DPEP1: variants seen among roughly 807,000 people sequenced by gnomAD.
DPEP1 encodes the protein dipeptidase 1.
DPEP1 carries 50 observed loss-of-function variants against 42.3 expected under a neutral mutation model. That is an observed-to-expected ratio of 1.18 (90% CI 0.94 to 1.50). DPEP1 has a LOEUF of 1.50. Ranked by LOEUF, DPEP1 falls within the 40% of genes most tolerant of loss-of-function variation. The pLI is 0.00. For missense variants in DPEP1, 663 were observed against 553.0 expected (o/e 1.20, Z -1.99); for synonymous variants, 297 against 234.0 (o/e 1.27, Z -2.46).
In DPEP1 at chr16:89,632,299, C is replaced by T. The variant is rs28448597; in HGVS notation, c.104+1785C>T. 1.8e-3 allele frequency among the ~76,000 whole-genome samples: 277 copies of T among 152,200 alleles called. 1 individual carries two copies. The highest frequency in any genetic ancestry group is 5.9e-3 in the African/African-American group (243 of 41,526). On this transcript the variant is annotated intron_variant, in intron 2 of 10. Coordinates refer to ENST00000690203, the MANE Select transcript of DPEP1 (RefSeq NM_001389466.1). The stretch of plus-strand genomic sequence containing the variant: ...AACTCCTGACCTCAGGTGATCCGCC[C>T]GCCTCGGCCTCCCACAGTGCTGGGA...
intron 2 of DPEP1, among the ~76,000 whole-genome samples, chr16:89,635,601 C>A (rs1231987396): frequency 1.3e-5 from 2 of 152,212 alleles, no homozygotes; most frequent in African/African-American, 4.8e-5. Context: ...TTGTGTCCCA[C>A]CCTCAGACAA....
downstream of DPEP1, among the ~76,000 whole-genome samples, chr16:89,639,056 CA>C: frequency 1.3e-5 from 1 of 78,590 alleles, no homozygotes; most frequent in Non-Finnish European, 2.5e-5. Flanking sequence ...CGCACACACC[CA>C]CCGCACCCCT....
Position 89,638,130 on chromosome 16 carries a change from G to T in DPEP1, c.1144G>T (p.Gly382Cys). 1 of 1,612,108 alleles carries T rather than the reference G, an allele frequency of 6.2e-7. No homozygotes were observed. The highest frequency in any genetic ancestry group is 8.5e-7 in the Non-Finnish European group (1 of 1,179,682). The change falls in exon 11 of 11, where the codon GGC (glycine) becomes TGC (cysteine). Residue 382 changes from glycine (G) to cysteine (C), a missense_variant. Coordinates refer to ENST00000690203, the MANE Select transcript of DPEP1 (RefSeq NM_001389466.1). ...GGGTGGCTCCTGCAGGACCCATTAC[G>T]GCTACTCCTCTGGGGCTTCCAGCCT... Reference protein sequence around the residue: ...QLGGSCRTHYGYSSGASSLHR... With the variant: ...QLGGSCRTHYCYSSGASSLHR...
At chr16:89,635,878 ACTGC>A (rs2059671022) in intron 2 of DPEP1, 26 bp from the exon 3 acceptor site, 1 of 1,566,998 alleles carries the variant, frequency 6.4e-7, no homozygotes, top group African/African-American at 1.4e-5. Context: ...GGCCGCCCTG[ACTGC>A]CTGGCCTCTC....
rs533330136 is a variant in DPEP1 at position 89,624,368 on chromosome 16, G to A, written c.-106-5937G>A. ...GGGAGCAGGTGTCACTGGAAGGATG[G>A]CCTGGACCGTAATAGTCCATGTCCT... On this transcript the variant is annotated intron_variant, in intron 1 of 10. Coordinates refer to ENST00000690203, the MANE Select transcript of DPEP1 (RefSeq NM_001389466.1). 2.6e-5 allele frequency among the ~76,000 whole-genome samples: 4 copies of A among 152,258 alleles called. No homozygotes were observed. In the South Asian group the frequency reaches 8.3e-4, roughly 32 times the overall value.
Position 89,636,606 on chromosome 16 carries a change from C to T in DPEP1, c.444C>T (p.Ser148=), listed in dbSNP as rs1422678683. ...IGVEGGHSID[S]SLGVLRALYQ... ...TGGAGGGCGGCCACTCCATTGACAGCAGTTTGGGCGTCCTGCGGGCACTCT... is the reference window on the plus strand; with the variant it reads ...TGGAGGGCGGCCACTCCATTGACAGTAGTTTGGGCGTCCTGCGGGCACTCT... The change falls in exon 5 of 11, where the codon AGC becomes AGT. Residue 148 remains serine (S), a synonymous_variant. Coordinates refer to ENST00000690203, the MANE Select transcript of DPEP1 (RefSeq NM_001389466.1). 10 of 1,612,518 alleles carry T rather than the reference C, an allele frequency of 6.2e-6. No individual in the cohort carries two copies. Among genetic ancestry groups the T allele is most frequent in the Non-Finnish European group, 8.5e-6 (10 of 1,179,980 alleles).
At chr16:89,614,366 G>A (rs1413033454) in intron 1 of DPEP1, among the ~76,000 whole-genome samples, 2 of 152,198 alleles carry the variant, frequency 1.3e-5, no homozygotes. Flanking sequence ...GCTGTGTGAG[G>A]AGCGCCGAGT....
At chr16:89,633,956 C>T (rs1041965374) in intron 2 of DPEP1, among the ~76,000 whole-genome samples, 8 of 152,182 alleles carry the variant, frequency 5.3e-5, no homozygotes, top group African/African-American at 1.4e-4. Context: ...GGGCATTCCC[C>T]AGGGTCGGGG....
rs200246060 is a variant in DPEP1, at chr16:89,637,254, C to T, written c.642C>T (p.His214=). The T allele has an allele frequency of 3.3e-5, 54 of 1,612,724 alleles. No homozygotes were observed. The highest frequency in any genetic ancestry group is 4.0e-5 in the African/African-American group (3 of 75,054). ...NRLGVLIDLA[H]VSVATMKATL... ...TGGGGGTCCTCATCGACTTGGCTCA[C>T]GTGTCTGTGGCCACCATGAAGGCCA... The change falls in exon 7 of 11, where the codon CAC becomes CAT. Residue 214 remains histidine (H), a synonymous_variant. Coordinates refer to ENST00000690203, the MANE Select transcript of DPEP1 (RefSeq NM_001389466.1).
chr16:89,615,796 G>A (rs967413377), intron 1 of DPEP1, among the ~76,000 whole-genome samples: 79 of 152,200 alleles, frequency 5.2e-4, no homozygotes, highest in Non-Finnish European at 1.0e-3. Context: ...CAACACGGGG[G>A]CCCCGGGGTC....
At chr16:89,625,245 T>C (rs1314620860) in intron 1 of DPEP1, among the ~76,000 whole-genome samples, 1 of 152,134 alleles carries the variant, frequency 6.6e-6, no homozygotes, top group Non-Finnish European at 1.5e-5. Flanking sequence ...TTTTCCTTGA[T>C]TCAGCACGAA....
At chr16:89,631,843 T>A (rs2059593397) in intron 2 of DPEP1, among the ~76,000 whole-genome samples, 1 of 151,674 alleles carries the variant, frequency 6.6e-6, no homozygotes. Flanking sequence ...GGCAACAGAG[T>A]GAGACTCCAT....
At chr16:89,614,188 C>T (rs964630382) in intron 1 of DPEP1, among the ~76,000 whole-genome samples, 2 of 152,096 alleles carry the variant, frequency 1.3e-5, no homozygotes, top group Non-Finnish European at 2.9e-5. Flanking sequence ...CCCACTGGCC[C>T]TCCCCGTGGT....
At position 89,638,339 on chromosome 16, in the gene DPEP1, A is replaced by G. The variant is rs1012966137; in HGVS notation, c.*117A>G. ...CACATGCAAGGACCAGCATCTCCTG[A>G]GAGGACGCCTGGGCTTACCTGGGGG... On this transcript the variant is annotated 3_prime_UTR_variant, in exon 11 of 11. Coordinates refer to ENST00000690203, the MANE Select transcript of DPEP1 (RefSeq NM_001389466.1). 2 of 1,433,528 alleles carry G rather than the reference A, an allele frequency of 1.4e-6. No individual in the cohort carries two copies. The highest frequency in any genetic ancestry group is 1.4e-5 in the African/African-American group (1 of 69,556). The allele number at this position is 1,433,528 out of a possible 1,614,324, so 88.8% of individuals were successfully genotyped here.
intron 1 of DPEP1, among the ~76,000 whole-genome samples, chr16:89,622,433 G>C (rs1483551888): frequency 6.6e-6 from 1 of 152,286 alleles, no homozygotes; most frequent in Non-Finnish European, 1.5e-5. Context: ...GTGAGGTAAG[G>C]CACAAGCATT....
chr16:89,614,197 G>C (rs1567977187), intron 1 of DPEP1, among the ~76,000 whole-genome samples: 1 of 152,096 alleles, frequency 6.6e-6, no homozygotes. Context: ...CCTCCCCGTG[G>C]TCCCTAGGAT....
intron 1 of DPEP1, among the ~76,000 whole-genome samples, chr16:89,621,140 G>T (rs2059442746): frequency 6.6e-6 from 1 of 152,126 alleles, no homozygotes; most frequent in East Asian, 1.9e-4. Flanking sequence ...GGGGTAGCAA[G>T]GGTGGGGAGG....
In DPEP1 at chr16:89,638,060, C is replaced by A; in HGVS notation, c.1074C>A (p.Asn358Lys). 6.2e-7 allele frequency: 1 copy of A among 1,612,252 alleles called. No homozygotes were observed. Residue 358 changes from asparagine (N) to lysine (K), a missense_variant, in exon 11 of 11, where the codon AAC (asparagine) becomes AAA (lysine). Coordinates refer to ENST00000690203, the MANE Select transcript of DPEP1 (RefSeq NM_001389466.1). ...RVFEAVEQAS[N>K]LTQAPEEEPI... ...TGTCTGTCTGTCCCCAGGCCAGCAA[C>A]CTCACACAGGCTCCCGAGGAGGAGC...
At chr16:89,621,325 G>C (rs2059444372) in intron 1 of DPEP1, among the ~76,000 whole-genome samples, 1 of 151,950 alleles carries the variant, frequency 6.6e-6, no homozygotes, top group African/African-American at 2.4e-5. Context: ...GAGGAGGGAT[G>C]TGGGGAAGCC....
Sources: allele counts gnomAD v4.1 joint callset (sites outside exome capture counted in the v4.1 genomes callset), GRCh38; gene constraint gnomAD v4.1.1; transcripts MANE v1.5; gene names NCBI Gene and HGNC (gene_info 2026-07-23, HGNC 2026-07-21).